The following COG6 variants were observed in gnomAD, a reference collection of about 807,000 sequenced individuals.
COG6 encodes component of oligomeric golgi complex 6.
Under a neutral mutation model 88.8 loss-of-function variants are expected in COG6, and 74 were observed. That is an observed-to-expected ratio of 0.83 (90% CI 0.69 to 1.01). COG6 has a LOEUF of 1.01. COG6 is among the 50% of genes least tolerant of loss of function. The pLI, the probability that COG6 is intolerant of heterozygous loss-of-function variation, is 0.00. For missense variants in COG6, 800 were observed against 797.9 expected (o/e 1.00, Z -0.03); for synonymous variants, 286 against 278.7 (o/e 1.03, Z -0.26).
At chr13:39,678,959 G>GA (rs1239242508) in intron 5 of COG6, among the ~76,000 whole-genome samples, 1 of 151,810 alleles carries the variant, frequency 6.6e-6, no homozygotes, top group East Asian at 1.9e-4. Flanking sequence ...ATTCATCAAA[G>GA]AAAAATAACA....
intron 17 of COG6, among the ~76,000 whole-genome samples, chr13:39,725,739 G>A (rs1381193085): frequency 6.6e-6 from 1 of 151,562 alleles, no homozygotes; most frequent in African/African-American, 2.4e-5. Flanking sequence ...AAGAAAATTC[G>A]ATATTAAAAA....
rs772445906 is a variant in COG6 at position 39,682,316 on chromosome 13, CT to C, written c.788+54del. On this transcript the variant is annotated intron_variant, in intron 8 of 18. Transcript: ENST00000455146. ...TGAAAGCCTACTTTTCTTTTGATAT[CT>C]TACTTTAAATTTTAGTATTATCAAA... The C allele has an allele frequency of 6.6e-5, 69 of 1,052,600 alleles. No individual in the cohort carries two copies. In the South Asian group the frequency reaches 8.4e-4, roughly 13 times the overall value. The allele number at this position is 1,052,600 out of a possible 1,614,324, so 65.2% of individuals were successfully genotyped here. A position where few individuals can be genotyped will look rare whatever the true frequency, so the allele number is the denominator to read the frequency against.
At chr13:39,788,634 C>A (rs1340608744) in exon 19 of COG6, 1 of 444,230 alleles carries the variant, frequency 2.3e-6, no homozygotes, top group East Asian at 3.5e-5. Context: ...TAAATGTATG[C>A]AAAGCACTAA....
chr13:39,670,390 G>A (rs1185746605), intron 4 of COG6, among the ~76,000 whole-genome samples: 1 of 152,056 alleles, frequency 6.6e-6, no homozygotes, highest in African/African-American at 2.4e-5. Flanking sequence ...GTTTATGTGT[G>A]TGTATTTTTT....
chr13:39,746,164 A>G (rs1199226675), intron 18 of COG6, among the ~76,000 whole-genome samples: 2 of 151,926 alleles, frequency 1.3e-5, no homozygotes, highest in Admixed American at 1.3e-4. Context: ...GCAAACCAAC[A>G]TGGCACGTGT....
intron 3 of COG6, among the ~76,000 whole-genome samples, 198 bp downstream of exon 3, chr13:39,661,079 G>A (rs1489366937): frequency 1.3e-5 from 2 of 152,074 alleles, no homozygotes; most frequent in African/African-American, 4.8e-5. Context: ...ATTAACTTTA[G>A]AGCATTTATA....
At chr13:39,704,238 C>G (rs1877752089) in intron 13 of COG6, among the ~76,000 whole-genome samples, 1 of 152,070 alleles carries the variant, frequency 6.6e-6, no homozygotes, top group Non-Finnish European at 1.5e-5. Context: ...ATACAGTTGA[C>G]TCCTGAACAA....
At chr13:39,692,921 T>C (rs193171000) in intron 11 of COG6, among the ~76,000 whole-genome samples, 11 of 152,122 alleles carry the variant, frequency 7.2e-5, no homozygotes, top group East Asian at 1.9e-4. Context: ...GATTTTTCCC[T>C]CCACTGTCAT....
chr13:39,705,969 C>T (rs914005321), intron 13 of COG6, among the ~76,000 whole-genome samples: 20 of 151,074 alleles, frequency 1.3e-4, no homozygotes, highest in African/African-American at 4.9e-4. Context: ...AACAGAAAAC[C>T]AAATTTTTTT....
intron 18 of COG6, among the ~76,000 whole-genome samples, chr13:39,759,062 G>T (rs141726360): frequency 1.5e-4 from 23 of 152,248 alleles, no homozygotes; most frequent in African/African-American, 5.1e-4. Context: ...GTTTCCAGGG[G>T]ACAGGGAGAG....
At chr13:39,759,759 C>T (rs1880955055) in intron 18 of COG6, among the ~76,000 whole-genome samples, 1 of 152,064 alleles carries the variant, frequency 6.6e-6, no homozygotes, top group Admixed American at 6.6e-5. Flanking sequence ...TCTATCAAAT[C>T]CAACTACCCT....
downstream of COG6, among the ~76,000 whole-genome samples, chr13:39,755,837 T>C (rs1195818661): frequency 1.3e-5 from 2 of 152,230 alleles, no homozygotes; most frequent in East Asian, 3.8e-4. Flanking sequence ...CATCTAATCA[T>C]TAGTTGACAA....
chr13:39,663,082 T>G (rs1348567782), intron 3 of COG6, among the ~76,000 whole-genome samples: 1 of 93,168 alleles, frequency 1.1e-5, no homozygotes, highest in Non-Finnish European at 2.4e-5. Context: ...CTTGCATATG[T>G]TTAAATAATA....
downstream of COG6, among the ~76,000 whole-genome samples, chr13:39,752,894 C>G (rs1315461675): frequency 2.0e-5 from 3 of 152,156 alleles, no homozygotes; most frequent in South Asian, 2.1e-4. Flanking sequence ...ATAAGTATAA[C>G]CTGGAAAAGG....
chr13:39,788,002 C>A (rs965872038), intron 18 of COG6, among the ~76,000 whole-genome samples: 1 of 152,144 alleles, frequency 6.6e-6, no homozygotes, highest in African/African-American at 2.4e-5. Flanking sequence ...AGTTGGCAGA[C>A]AGAAGGCAAC....
intron 11 of COG6, among the ~76,000 whole-genome samples, chr13:39,690,933 A>C (rs1876944539): frequency 1.3e-5 from 2 of 151,718 alleles, no homozygotes; most frequent in African/African-American, 4.8e-5. Context: ...CTGGAAAGGT[A>C]GAAGAAGAGG....
chr13:39,688,066 T>C (rs1340762120), intron 10 of COG6, among the ~76,000 whole-genome samples: 1 of 152,204 alleles, frequency 6.6e-6, no homozygotes, highest in Non-Finnish European at 1.5e-5. Flanking sequence ...CTGTGTCACT[T>C]TTAAGAAATT....
At chr13:39,776,668 A>G (rs942355196) in intron 18 of COG6, among the ~76,000 whole-genome samples, 5 of 152,208 alleles carry the variant, frequency 3.3e-5, no homozygotes, top group African/African-American at 1.2e-4. Flanking sequence ...CCACTAATTC[A>G]GCCAGTACCC....
intron 13 of COG6, among the ~76,000 whole-genome samples, chr13:39,708,668 TG>T (rs1878074447): frequency 6.6e-6 from 1 of 152,192 alleles, no homozygotes; most frequent in Non-Finnish European, 1.5e-5. Context: ...CGTGTCGTAA[TG>T]TCTGGTAAAA....
Sources: gnomAD v4.1 joint callset for allele counts (sites outside exome capture counted in the v4.1 genomes callset) on GRCh38, gnomAD v4.1.1 for gene constraint, MANE v1.5 for transcripts, NCBI Gene and HGNC (gene_info 2026-07-23, HGNC 2026-07-21) for gene names.